The following GSN variants were observed in gnomAD, a reference collection of about 807,000 sequenced individuals.
GSN encodes actin-depolymerizing factor.
Under a neutral mutation model 85.7 loss-of-function variants are expected in GSN, and 56 were observed. The observed-to-expected ratio is 0.65, with a 90% CI of 0.53 to 0.82. The LOEUF is 0.82. GSN is among the 40% of genes least tolerant of loss of function. The pLI is 0.00. For missense variants in GSN, 857 were observed against 979.8 expected, an observed-to-expected ratio of 0.87 and a Z score of 1.67; for synonymous variants, 373 against 399.1, an observed-to-expected ratio of 0.93 and a Z score of 0.78.
At chr9:121,228,117 C>T (rs2054304971) in intron 4 of GSN, among the ~76,000 whole-genome samples, 1 of 152,028 alleles carries the variant, frequency 6.6e-6, no homozygotes, top group African/African-American at 2.4e-5. Context: ...GGCTCACTTT[C>T]CCATCTCTGA....
chr9:121,297,313 C>G (rs1386096303), intron 2 of GSN, among the ~76,000 whole-genome samples: 2 of 152,118 alleles, frequency 1.3e-5, no homozygotes, highest in African/African-American at 4.8e-5. Context: ...CATAGTGATT[C>G]ACACACTAAG....
intron 1 of GSN, chr9:121,209,180 G>C (rs1447889274): frequency 1.3e-5 from 2 of 152,244 alleles, no homozygotes; most frequent in Admixed American, 6.5e-5. Context: ...GCAAAGACTA[G>C]GGCAGGCCTC....
chr9:121,295,384 T>C (rs2059115558), intron 2 of GSN, among the ~76,000 whole-genome samples: 1 of 152,164 alleles, frequency 6.6e-6, no homozygotes, highest in Non-Finnish European at 1.5e-5. Flanking sequence ...GGGCGGGTGC[T>C]CCTAGGAGGA....
At chr9:121,263,889 A>T (rs1460169275), upstream of GSN, among the ~76,000 whole-genome samples, 6 of 48,262 alleles carry the variant, frequency 1.2e-4, no homozygotes, top group African/African-American at 2.9e-4. Flanking sequence ...ACTCCATCTC[A>T]AAAAAAAAAA....
In GSN at chr9:121,302,124, G is replaced by A; in HGVS notation, c.153G>A (p.Gln51=). The change falls in exon 3 of 18, where the codon CAG becomes CAA. Residue 51 remains glutamine (Q), a synonymous_variant. Transcript: ENST00000432226. ...CCTACGTCATCCTGAAGACAGTGCA[G>A]CTGAGGAACGGAAATCTGCAGTATG... ...GDAYVILKTV[Q]LRNGNLQYDL... The A allele has an allele frequency of 6.2e-7, 1 of 1,614,212 alleles. No homozygotes were observed. The highest frequency in any genetic ancestry group is 1.1e-5 in the South Asian group (1 of 91,088).
At chr9:121,326,793 G>A in intron 13 of GSN, 111 bp downstream of exon 13, 2 of 994,266 alleles carry the variant, frequency 2.0e-6, no homozygotes, top group Non-Finnish European at 3.3e-6. Context: ...GAATGACGGG[G>A]TAAGAAGCAG....
chr9:121,207,455 C>T (rs1220544434), upstream of GSN, among the ~76,000 whole-genome samples: 3 of 152,158 alleles, frequency 2.0e-5, no homozygotes, highest in Non-Finnish European at 4.4e-5. Flanking sequence ...GTAATTATAT[C>T]TATTTTTGCT....
intron 2 of GSN, chr9:121,284,840 A>C (rs558812671): frequency 2.2e-4 from 37 of 167,452 alleles, no homozygotes; most frequent in African/African-American, 8.7e-4. Flanking sequence ...ATCAGAGGAC[A>C]GCAGCACTGG....
chr9:121,290,279 G>T (rs1253552861), intron 2 of GSN, among the ~76,000 whole-genome samples: 3 of 152,180 alleles, frequency 2.0e-5, no homozygotes, highest in African/African-American at 4.8e-5. Context: ...CCAGCTTCGT[G>T]CCAGGGACTG....
At chr9:121,210,755 A>G (rs2053956025) in intron 3 of GSN, 2 of 152,250 alleles carry the variant, frequency 1.3e-5, no homozygotes, top group African/African-American at 4.8e-5. Flanking sequence ...AACACATTAT[A>G]AAACATTTCA....
At chr9:121,225,188 A>T (rs1008672188) in intron 4 of GSN, among the ~76,000 whole-genome samples, 2 of 152,250 alleles carry the variant, frequency 1.3e-5, no homozygotes, top group Admixed American at 6.5e-5. Context: ...TCTATAATTT[A>T]TAAAACAAAT....
intron 1 of GSN, among the ~76,000 whole-genome samples, chr9:121,208,842 G>A (rs1588393958): frequency 6.6e-6 from 1 of 152,220 alleles, no homozygotes; most frequent in Non-Finnish European, 1.5e-5. Flanking sequence ...CCTAAAAGGG[G>A]GGCAGGTGTT....
chr9:121,232,610 T>C (rs1463512338), intron 5 of GSN, among the ~76,000 whole-genome samples: 1 of 152,238 alleles, frequency 6.6e-6, no homozygotes, highest in Non-Finnish European at 1.5e-5. Context: ...AATTTTCAAG[T>C]GTACGATATG....
intron 5 of GSN, among the ~76,000 whole-genome samples, chr9:121,244,691 G>A (rs1324867793): frequency 6.6e-6 from 1 of 152,154 alleles, no homozygotes; most frequent in African/African-American, 2.4e-5. Context: ...TTAATCGATG[G>A]AAAACTAATT....
chr9:121,318,613 A>AC lies in GSN; in HGVS notation c.976-48dup. The stretch of plus-strand genomic sequence containing the variant: ...TGGGGTATCTGAGGCTCCCCTGGGG[A>AC]CCCCTGCTGGGCAGCCCAGCCACAT... On this transcript the variant is annotated intron_variant, in intron 9 of 17. Coordinates refer to ENST00000432226, the MANE Select transcript of GSN (RefSeq NM_198252.3). This position sits in a 1 kb window ranked among gnomAD's most constrained non-coding sequence, Gnocchi z 4.3. 1 of 1,506,282 alleles carries AC rather than the reference A, an allele frequency of 6.6e-7. No homozygotes were observed. Among genetic ancestry groups the AC allele is most frequent in the Non-Finnish European group, 9.2e-7 (1 of 1,084,036 alleles). 93.3% of individuals were successfully genotyped at this position (1,506,282 alleles called of 1,614,324 possible). A position where few individuals can be genotyped will look rare whatever the true frequency, so the allele number is the denominator to read the frequency against.
At chr9:121,281,268 A>C in intron 1 of GSN, 1 of 269,612 alleles carries the variant, frequency 3.7e-6, no homozygotes. Flanking sequence ...TCCTTAGGAC[A>C]ATTCTTTTAC....
At chr9:121,314,242 A>G (rs934292808) in intron 7 of GSN, among the ~76,000 whole-genome samples, 3 of 152,258 alleles carry the variant, frequency 2.0e-5, no homozygotes, top group African/African-American at 7.2e-5. Flanking sequence ...TCACGCTCAT[A>G]CATGAGGTCT....
chr9:121,227,241 AAAAT>A (rs2054286709), intron 4 of GSN, among the ~76,000 whole-genome samples: 1 of 152,118 alleles, frequency 6.6e-6, no homozygotes, highest in African/African-American at 2.4e-5. Flanking sequence ...TAAAAATACA[AAAAT>A]TAGCTAGGCG....
intron 4 of GSN, among the ~76,000 whole-genome samples, chr9:121,221,970 C>T (rs1425074583): frequency 1.3e-5 from 2 of 152,196 alleles, no homozygotes; most frequent in African/African-American, 4.8e-5. Flanking sequence ...GATAAATAAC[C>T]AAGCCCTACA....
Sources: allele counts gnomAD v4.1 joint callset (sites outside exome capture counted in the v4.1 genomes callset), GRCh38; gene constraint gnomAD v4.1.1; non-coding constraint Gnocchi (gnomAD v3.1); transcripts MANE v1.5; gene names NCBI Gene and HGNC (gene_info 2026-07-23, HGNC 2026-07-21).